Variants in KAT2B observed in about 807,000 individuals in gnomAD.
The protein encoded by KAT2B is lysine acetyltransferase 2B.
A neutral mutation model predicts 105.9 loss-of-function variants in KAT2B; 36 were observed. That is an observed-to-expected ratio of 0.34 (90% CI 0.26 to 0.45). The LOEUF is 0.45. Ranked by LOEUF, KAT2B falls within the 20% of genes least tolerant of loss-of-function variation. The pLI is 1.00. For synonymous variants in KAT2B, 397 were observed against 377.9 expected, an observed-to-expected ratio of 1.05 and a Z score of -0.59; for missense variants, 820 against 1,021.6, an observed-to-expected ratio of 0.80 and a Z score of 2.69.
intron 5 of KAT2B, among the ~76,000 whole-genome samples, chr3:20,107,283 G>A (rs1435296196): frequency 2.0e-5 from 3 of 147,682 alleles, no homozygotes; most frequent in African/African-American, 2.5e-5. Context: ...TGCCCTCCTC[G>A]GCCTCCCAAA....
intron 10 of KAT2B, 93 bp downstream of exon 10, chr3:20,126,206 G>T (rs1699401296): frequency 3.0e-6 from 3 of 988,786 alleles, no homozygotes; most frequent in African/African-American, 1.6e-5. Context: ...GTCATCCACC[G>T]AATACTACTG....
intron 1 of KAT2B, among the ~76,000 whole-genome samples, chr3:20,065,852 T>TG (rs1162309742): frequency 1.3e-5 from 2 of 152,146 alleles, no homozygotes; most frequent in Non-Finnish European, 2.9e-5. Context: ...ACCTGGGGCT[T>TG]GGGGGTGGAG....
intron 5 of KAT2B, among the ~76,000 whole-genome samples, chr3:20,107,605 C>T (rs944794022): frequency 2.1e-5 from 3 of 143,348 alleles, no homozygotes; most frequent in East Asian, 2.1e-4. Flanking sequence ...TGCAGTGAGT[C>T]GAGATCATGC....
Position 20,136,340 on chromosome 3 carries a change from G to A in KAT2B, c.1750-602G>A, listed in dbSNP as rs142519488. 2.1e-3 allele frequency among the ~76,000 whole-genome samples: 326 copies of A among 152,202 alleles called. 1 individual carries two copies. The highest frequency in any genetic ancestry group is 6.8e-3 in the Middle Eastern group (2 of 294). On this transcript the variant is annotated intron_variant, in intron 11 of 17. Transcript: ENST00000263754. ...TATTCAACATTGTTGACTACCTTTA[G>A]TTACTTTCTAATGTCTTCTGGCTGA...
At chr3:20,050,377 C>T (rs1254183584) in intron 1 of KAT2B, among the ~76,000 whole-genome samples, 4 of 152,130 alleles carry the variant, frequency 2.6e-5, no homozygotes, top group Non-Finnish European at 4.4e-5. Flanking sequence ...TACATCTATG[C>T]AACTGCCACC....
At chr3:20,122,581 C>T in intron 8 of KAT2B, 87 bp from the exon 9 acceptor site, 8 of 1,053,900 alleles carry the variant, frequency 7.6e-6, no homozygotes, top group Non-Finnish European at 8.4e-6. Flanking sequence ...CCATGCCCAT[C>T]AATGCTGTTA....
chr3:20,068,347 G>T (rs1295223039), intron 1 of KAT2B, among the ~76,000 whole-genome samples: 2 of 150,796 alleles, frequency 1.3e-5, no homozygotes, highest in Non-Finnish European at 2.9e-5. Flanking sequence ...TAGCCACATT[G>T]GCCTTTACTT....
At chr3:20,100,974 C>CA (rs1698899875) in intron 4 of KAT2B, 1 of 340,976 alleles carries the variant, frequency 2.9e-6, no homozygotes, top group African/African-American at 2.1e-5. Flanking sequence ...GCACAACAGT[C>CA]ATATTTTCTT....
At chr3:20,125,306 G>GAAA (rs34271857) in intron 9 of KAT2B, among the ~76,000 whole-genome samples, 1,332 of 117,092 alleles carry the variant, frequency 0.011, 29 homozygotes, top group African/African-American at 0.04. Flanking sequence ...CTCCGTCTCA[G>GAAA]AAAAAAAAAA....
At chr3:20,061,586 T>C (rs1698101615) in intron 1 of KAT2B, among the ~76,000 whole-genome samples, 1 of 151,982 alleles carries the variant, frequency 6.6e-6, no homozygotes, top group Non-Finnish European at 1.5e-5. Context: ...CCATTTTACG[T>C]CTTCAGCAGG....
In KAT2B at chr3:20,066,888, C is replaced by T. The variant is rs748796754; in HGVS notation, c.304-5445C>T. ...TGTGATATTTTAACATTTTTTAATACGAAGTCTTTGAAATTCAGGGTGTAT... is the reference window on the plus strand; with the variant it reads ...TGTGATATTTTAACATTTTTTAATATGAAGTCTTTGAAATTCAGGGTGTAT... On this transcript the variant is annotated intron_variant, in intron 1 of 17. Transcript: ENST00000263754. 1.4e-4 allele frequency among the ~76,000 whole-genome samples: 22 copies of T among 152,004 alleles called. 1 individual carries two copies. The East Asian group carries it at 2.5e-3, about 17-fold the overall frequency.
At chr3:20,041,716 G>T (rs945414110) in intron 1 of KAT2B, among the ~76,000 whole-genome samples, 3 of 152,136 alleles carry the variant, frequency 2.0e-5, no homozygotes, top group African/African-American at 7.2e-5. Context: ...CCTGCGGCCT[G>T]TGGCTGAGGC....
At chr3:20,120,004 T>C (rs751263859) in intron 8 of KAT2B, among the ~76,000 whole-genome samples, 1 of 152,214 alleles carries the variant, frequency 6.6e-6, no homozygotes, top group Non-Finnish European at 1.5e-5. Context: ...TGGTTGCAAG[T>C]TACCCATTGA....
intron 10 of KAT2B, among the ~76,000 whole-genome samples, chr3:20,127,129 C>A (rs1448431147): frequency 6.6e-6 from 1 of 152,186 alleles, no homozygotes; most frequent in Non-Finnish European, 1.5e-5. Context: ...ACTGGCTGTG[C>A]CAGTTCCAGA....
intron 5 of KAT2B, among the ~76,000 whole-genome samples, chr3:20,106,008 T>C (rs1019446102): frequency 2.6e-5 from 4 of 152,134 alleles, no homozygotes; most frequent in African/African-American, 9.7e-5. Context: ...AAACAGGAGA[T>C]CTGACTTCTA....
At chr3:20,111,498 T>C (rs1381474349) in intron 5 of KAT2B, 98 bp from the exon 6 acceptor site, 54 of 1,000,878 alleles carry the variant, frequency 5.4e-5, no homozygotes, top group Non-Finnish European at 8.7e-6. Flanking sequence ...CTAGTTTTTT[T>C]CTGCTATAGT....
chr3:20,148,051 C>T (rs62241668), intron 15 of KAT2B, 52 bp downstream of exon 15: 2 of 1,565,186 alleles, frequency 1.3e-6, no homozygotes, highest in South Asian at 1.1e-5. Context: ...TTTTTTTCCC[C>T]ACCAAGCAAC....
At position 20,154,276 on chromosome 3, in the gene KAT2B, C is replaced by T. The variant is rs989506211; in HGVS notation, c.*1751C>T. 2 of 152,420 alleles carry T rather than the reference C, an allele frequency of 1.3e-5. No individual in the cohort carries two copies. The highest frequency in any genetic ancestry group is 2.4e-5 in the African/African-American group (1 of 41,390). 9.4% of individuals were successfully genotyped at this position (152,420 alleles called of 1,614,324 possible). On this transcript the variant is annotated 3_prime_UTR_variant, in exon 18 of 18. Transcript: ENST00000263754. ...TTAATATTTTCTTATAGATATTGTGCAATAAAGCTGAAGTAGAATGTGTGG... is the reference window on the plus strand; with the variant it reads ...TTAATATTTTCTTATAGATATTGTGTAATAAAGCTGAAGTAGAATGTGTGG...
At chr3:20,143,065 A>G (rs1317380135) in intron 13 of KAT2B, among the ~76,000 whole-genome samples, 1 of 152,170 alleles carries the variant, frequency 6.6e-6, no homozygotes, top group African/African-American at 2.4e-5. Context: ...ATAAGGAGAC[A>G]TGCAAAGACT....
Sources: gnomAD v4.1 joint callset for allele counts (sites outside exome capture counted in the v4.1 genomes callset) on GRCh38, gnomAD v4.1.1 for gene constraint, MANE v1.5 for transcripts, NCBI Gene and HGNC (gene_info 2026-07-23, HGNC 2026-07-21) for gene names.